Variants in ADGRL3 observed in about 807,000 individuals in gnomAD.
The protein encoded by ADGRL3 is calcium-independent alpha-latrotoxin receptor 3.
Under a neutral mutation model 153.5 loss-of-function variants are expected in ADGRL3, and 62 were observed. That is an observed-to-expected ratio of 0.40 (90% CI 0.33 to 0.50). ADGRL3 has a LOEUF of 0.50. Ranked by LOEUF, ADGRL3 falls within the 20% of genes least tolerant of loss-of-function variation. ADGRL3 has a pLI of 0.47. For synonymous variants in ADGRL3, 710 were observed against 672.5 expected (o/e 1.06, Z -0.86); for missense variants, 1,641 against 1,859.4 (o/e 0.88, Z 2.16).
At chr4:61,205,997 G>A (rs1183969062) in intron 1 of ADGRL3, among the ~76,000 whole-genome samples, 1 of 152,248 alleles carries the variant, frequency 6.6e-6, no homozygotes, top group Middle Eastern at 3.4e-3. Context: ...TGTGCTTATG[G>A]ATTCATAAGC....
Position 61,545,809 on chromosome 4 carries a change from G to A in ADGRL3, c.259+28291G>A, listed in dbSNP as rs536787529. On this transcript the variant is annotated intron_variant, in intron 4 of 26. Transcript: ENST00000683033. ...GGATTACAGGCGTAAGCTACCGCGC[G>A]GGGCCTCTGTGTCTTTCTCTCTCTA... 4.6e-5 allele frequency among the ~76,000 whole-genome samples: 7 copies of A among 152,194 alleles called. No homozygotes were observed. In the South Asian group the frequency reaches 1.0e-3, roughly 23 times the overall value.
chr4:61,501,448 T>C (rs1479573859), intron 3 of ADGRL3, among the ~76,000 whole-genome samples: 1 of 152,190 alleles, frequency 6.6e-6, no homozygotes, highest in African/African-American at 2.4e-5. Flanking sequence ...GGTAAACCCC[T>C]GAGCACTAGG....
intron 2 of ADGRL3, among the ~76,000 whole-genome samples, chr4:61,471,517 A>G (rs762132305): frequency 6.6e-5 from 10 of 151,836 alleles, no homozygotes; most frequent in Non-Finnish European, 1.2e-4. Context: ...GCTGAGAGGA[A>G]TTTCTATTAT....
chr4:61,689,964 G>GCTTTTATGTTCACTACACA (rs1345109718), intron 6 of ADGRL3, among the ~76,000 whole-genome samples: 1 of 152,082 alleles, frequency 6.6e-6, no homozygotes, highest in Non-Finnish European at 1.5e-5. Context: ...TGTAAAATTT[G>GCTTTTATGTTCACTACACA]CTTTTATGTT....
intron 6 of ADGRL3, among the ~76,000 whole-genome samples, chr4:61,683,112 G>GTT (rs1246001725): frequency 2.8e-5 from 2 of 70,648 alleles, no homozygotes; most frequent in African/African-American, 4.3e-5. Flanking sequence ...TTCAAGAGCT[G>GTT]TATTTTTTTT....
chr4:61,880,772 A>G (rs1005593201), intron 9 of ADGRL3, among the ~76,000 whole-genome samples: 8 of 152,224 alleles, frequency 5.3e-5, no homozygotes, highest in Non-Finnish European at 4.4e-5. Context: ...ACTTGAATTC[A>G]GGAATCATTT....
chr4:61,835,136 C>T (rs954300317), intron 9 of ADGRL3, among the ~76,000 whole-genome samples: 5 of 151,908 alleles, frequency 3.3e-5, no homozygotes, highest in Admixed American at 3.3e-4. Flanking sequence ...CATCAGATAA[C>T]TCGAAGCAAA....
At chr4:61,222,675 G>A (rs1322433199) in intron 1 of ADGRL3, among the ~76,000 whole-genome samples, 3 of 152,128 alleles carry the variant, frequency 2.0e-5, no homozygotes, top group African/African-American at 4.8e-5. Flanking sequence ...AACCAGCTTG[G>A]TAAAGAATGA....
chr4:61,623,326 T>C (rs1228028657), intron 5 of ADGRL3, among the ~76,000 whole-genome samples: 2 of 152,068 alleles, frequency 1.3e-5, no homozygotes. Context: ...CAAGAGACCA[T>C]CCCAATCAGT....
rs2098712686 is a variant in ADGRL3 at position 61,909,673 on chromosome 4, A to G, written c.2001A>G (p.Val667=). 1 of 1,606,374 alleles carries G rather than the reference A, an allele frequency of 6.2e-7. No homozygotes were observed. Among genetic ancestry groups the G allele is most frequent in the African/African-American group, 1.3e-5 (1 of 74,702 alleles). Residue 667 remains valine (V), a synonymous_variant, in exon 12 of 27, where the codon GTA becomes GTG. Transcript: ENST00000683033. ...TYSVRAMDQL[V]GLLDVQLRNL... ...CTGTCCGGGCCATGGACCAGCTGGTAGGCCTCCTAGATGTACAGCTTCGGA... is the reference window on the plus strand; with the variant it reads ...CTGTCCGGGCCATGGACCAGCTGGTGGGCCTCCTAGATGTACAGCTTCGGA...
intron 2 of ADGRL3, among the ~76,000 whole-genome samples, chr4:61,384,357 AATTAAT>A (rs1416808697): frequency 6.6e-6 from 1 of 151,538 alleles, no homozygotes; most frequent in African/African-American, 2.4e-5. Flanking sequence ...ATTTGCAAAC[AATTAAT>A]ATTATTTCCT....
At chr4:61,510,487 T>C (rs1178577230) in intron 3 of ADGRL3, among the ~76,000 whole-genome samples, 2 of 152,230 alleles carry the variant, frequency 1.3e-5, no homozygotes, top group Non-Finnish European at 2.9e-5. Flanking sequence ...GGCCAGCCAG[T>C]TATCCTAACA....
At chr4:61,609,882 T>G (rs1240814481) in intron 5 of ADGRL3, among the ~76,000 whole-genome samples, 6 of 152,038 alleles carry the variant, frequency 3.9e-5, no homozygotes, top group Non-Finnish European at 5.9e-5. Context: ...TTAGCTACCT[T>G]TAATAACCCA....
rs79572939 is a variant in ADGRL3, at chr4:61,853,116, G to C, written c.1480+39227G>C. Among the ~76,000 whole-genome samples the C allele has an allele frequency of 4.6e-3, 694 of 151,974 alleles. 6 individuals are homozygous for C. Among genetic ancestry groups the C allele is most frequent in the African/African-American group, 0.016 (672 of 41,462 alleles). ...CGCTGCAACCACCCGCTCCTCTCCA[G>C]GTGTGGAGCCACTGCCCCTGGCTGA... On this transcript the variant is annotated intron_variant, in intron 9 of 26. Coordinates refer to ENST00000683033, the MANE Select transcript of ADGRL3 (RefSeq NM_001387552.1).
chr4:61,769,879 C>G (rs974634893), intron 8 of ADGRL3, among the ~76,000 whole-genome samples: 1 of 151,908 alleles, frequency 6.6e-6, no homozygotes, highest in Admixed American at 6.6e-5. Flanking sequence ...GCCATTTACA[C>G]TTCTTTTGTG....
chr4:61,765,043 A>C (rs1339965436), intron 8 of ADGRL3, among the ~76,000 whole-genome samples: 4 of 152,166 alleles, frequency 2.6e-5, no homozygotes, highest in Admixed American at 2.6e-4. Flanking sequence ...AGGATATCTG[A>C]TTAGAGAGTG....
intron 1 of ADGRL3, among the ~76,000 whole-genome samples, chr4:61,286,680 T>A (rs1373491485): frequency 6.6e-6 from 1 of 151,628 alleles, no homozygotes; most frequent in Admixed American, 6.6e-5. Context: ...TATATCGAGA[T>A]AAACCTAGTG....
chr4:62,044,047 G>A (rs1729769786), intron 24 of ADGRL3, among the ~76,000 whole-genome samples: 1 of 151,818 alleles, frequency 6.6e-6, no homozygotes. Context: ...GTTAGAACTG[G>A]CAATTTAATG....
intron 1 of ADGRL3, among the ~76,000 whole-genome samples, chr4:61,336,589 G>T (rs970982646): frequency 1.3e-5 from 2 of 152,112 alleles, no homozygotes; most frequent in African/African-American, 4.8e-5. Context: ...GTGAGGGGTA[G>T]GGTGGTGTGA....
Sources: gnomAD v4.1 joint callset for allele counts (sites outside exome capture counted in the v4.1 genomes callset) on GRCh38, gnomAD v4.1.1 for gene constraint, MANE v1.5 for transcripts, NCBI Gene and HGNC (gene_info 2026-07-23, HGNC 2026-07-21) for gene names.